PPM1H: variants seen among roughly 807,000 people sequenced by gnomAD.
PPM1H encodes protein phosphatase, Mg2+/Mn2+ dependent 1H.
A neutral mutation model predicts 54.9 loss-of-function variants in PPM1H; 27 were observed. The observed-to-expected ratio is 0.49, with a 90% CI of 0.36 to 0.68. The LOEUF (loss-of-function observed/expected upper bound fraction) is 0.68. Ranked by LOEUF, PPM1H falls within the 30% of genes least tolerant of loss-of-function variation. The pLI, the probability that PPM1H is intolerant of heterozygous loss-of-function variation, is 0.00. For missense variants in PPM1H, 596 were observed against 667.8 expected (o/e 0.89, Z 1.19); for synonymous variants, 305 against 270.8 (o/e 1.13, Z -1.24).
chr12:62,870,730 C>G (rs1022455706), intron 1 of PPM1H, among the ~76,000 whole-genome samples: 11 of 152,150 alleles, frequency 7.2e-5, no homozygotes, highest in Admixed American at 3.9e-4. Context: ...TAATATTAGA[C>G]TCTTATAGAA....
chr12:62,755,510 T>G (rs1339258432), intron 4 of PPM1H: 21 of 666,206 alleles, frequency 3.2e-5, no homozygotes, highest in Non-Finnish European at 8.2e-6. Flanking sequence ...GAGTATATCA[T>G]GGAATCCACC....
chr12:62,651,691 C>T (rs1157608542), intron 9 of PPM1H, among the ~76,000 whole-genome samples: 2 of 152,230 alleles, frequency 1.3e-5, no homozygotes, highest in South Asian at 2.1e-4. Context: ...GCTTAACTTC[C>T]TGAGGGAAAA....
rs566074319 is a variant in PPM1H at position 62,769,580 on chromosome 12, T to C, written c.869+18646A>G. Among the ~76,000 whole-genome samples the C allele has an allele frequency of 1.6e-4, 24 of 152,336 alleles. 1 individual carries two copies. In the South Asian group the frequency reaches 5.0e-3, roughly 32 times the overall value. ...TCTGACATTCATTCAATGTCTTCTA[T>C]GGGCAAAGGCAATTTGTGAAAAGCA... On this transcript the variant is annotated intron_variant, in intron 4 of 9. Coordinates refer to ENST00000228705, the MANE Select transcript of PPM1H (RefSeq NM_020700.2).
In PPM1H at chr12:62,645,442, C is replaced by G. The variant is rs1419559838; in HGVS notation, c.*3047G>C. 1 of 152,292 alleles carries G rather than the reference C, an allele frequency of 6.6e-6. No individual in the cohort carries two copies. The highest frequency in any genetic ancestry group is 2.4e-5 in the African/African-American group (1 of 41,470). The allele number at this position is 152,292 out of a possible 1,614,324, so 9.4% of individuals were successfully genotyped here. A position where few individuals can be genotyped will look rare whatever the true frequency, so the allele number is the denominator to read the frequency against. ...TTCATCCTATTAAGACAGCTGAGTACTTGGCCTGGCCCGATTTTCACCTTT... is the reference window on the plus strand; with the variant it reads ...TTCATCCTATTAAGACAGCTGAGTAGTTGGCCTGGCCCGATTTTCACCTTT... On this transcript the variant is annotated 3_prime_UTR_variant, in exon 10 of 10. Transcript: ENST00000228705.
intron 1 of PPM1H, among the ~76,000 whole-genome samples, chr12:62,879,210 G>A (rs957280187): frequency 6.6e-6 from 1 of 152,182 alleles, no homozygotes; most frequent in African/African-American, 2.4e-5. Flanking sequence ...CTCCTCTGGA[G>A]GCTGTGGTGG....
chr12:62,692,136 G>A (rs575252003), intron 7 of PPM1H, among the ~76,000 whole-genome samples: 4 of 152,270 alleles, frequency 2.6e-5, no homozygotes, highest in African/African-American at 4.8e-5. Context: ...GTAGGGGTAC[G>A]CGGAGAAGAA....
chr12:62,758,108 A>G (rs549144108), intron 4 of PPM1H, among the ~76,000 whole-genome samples: 119 of 152,366 alleles, frequency 7.8e-4, no homozygotes, highest in African/African-American at 2.6e-3. Flanking sequence ...ATGTACCATA[A>G]TTACAATTAC....
chr12:62,756,552 C>A (rs928231632), intron 4 of PPM1H, among the ~76,000 whole-genome samples: 2 of 151,604 alleles, frequency 1.3e-5, no homozygotes, highest in African/African-American at 4.9e-5. Flanking sequence ...TATAAATATA[C>A]AAAATAAATT....
intron 1 of PPM1H, among the ~76,000 whole-genome samples, chr12:62,907,503 G>A (rs577170629): frequency 1.9e-4 from 29 of 152,244 alleles, no homozygotes; most frequent in African/African-American, 7.0e-4. Context: ...TCTTTTTACT[G>A]GGACTACCTG....
chr12:62,797,591 C>G (rs2663952), intron 3 of PPM1H, among the ~76,000 whole-genome samples: 31,377 of 151,878 alleles, frequency 0.21, 4,226 homozygotes, highest in African/African-American at 0.39. Flanking sequence ...CACACCGTGG[C>G]GCTTGTGGGC....
At chr12:62,802,276 A>G in intron 2 of PPM1H, 116 bp from the exon 3 acceptor site, 1 of 753,970 alleles carries the variant, frequency 1.3e-6, no homozygotes, top group Non-Finnish European at 2.0e-6. Context: ...GTCGTCTGCA[A>G]ACAATGCGGT....
At chr12:62,910,038 G>A (rs574247673) in intron 1 of PPM1H, among the ~76,000 whole-genome samples, 53 of 152,326 alleles carry the variant, frequency 3.5e-4, no homozygotes, top group African/African-American at 1.3e-3. Context: ...AAGGGCTATT[G>A]AAGTTGAAAC....
At chr12:62,825,801 G>T (rs181891751) in intron 2 of PPM1H, among the ~76,000 whole-genome samples, 5 of 152,084 alleles carry the variant, frequency 3.3e-5, no homozygotes, top group African/African-American at 1.2e-4. Flanking sequence ...GTTAATGGGT[G>T]CAGCAAACCA....
At chr12:62,736,123 G>A (rs1180293157) in intron 5 of PPM1H, among the ~76,000 whole-genome samples, 1 of 152,222 alleles carries the variant, frequency 6.6e-6, no homozygotes, top group African/African-American at 2.4e-5. Flanking sequence ...GTGGAATAGA[G>A]TGGAGAAAGC....
At chr12:62,788,730 T>G (rs963393913) in intron 3 of PPM1H, among the ~76,000 whole-genome samples, 1 of 152,132 alleles carries the variant, frequency 6.6e-6, no homozygotes, top group African/African-American at 2.4e-5. Context: ...GATCAATGTT[T>G]TGTTTGTTTT....
At chr12:62,664,978 T>C (rs1592531103) in intron 9 of PPM1H, among the ~76,000 whole-genome samples, 1 of 151,978 alleles carries the variant, frequency 6.6e-6, no homozygotes, top group African/African-American at 2.4e-5. Flanking sequence ...TCTGAATGTC[T>C]TCTTTTTTTT....
intron 6 of PPM1H, among the ~76,000 whole-genome samples, chr12:62,714,997 C>T (rs945015653): frequency 6.6e-6 from 1 of 152,180 alleles, no homozygotes; most frequent in Admixed American, 6.5e-5. Context: ...GGCTTGCTTG[C>T]CACCCCAGGT....
intron 1 of PPM1H, among the ~76,000 whole-genome samples, chr12:62,889,192 T>G (rs560572721): frequency 6.6e-6 from 1 of 152,264 alleles, no homozygotes; most frequent in Non-Finnish European, 1.5e-5. Flanking sequence ...TATCAGATAT[T>G]CCCAACTTGA....
intron 1 of PPM1H, among the ~76,000 whole-genome samples, chr12:62,930,926 A>G (rs1209455534): frequency 6.6e-6 from 1 of 152,228 alleles, no homozygotes; most frequent in African/African-American, 2.4e-5. Context: ...GAAGCTTTTC[A>G]AGAGCTGGGA....
Sources: gnomAD v4.1 joint callset for allele counts (sites outside exome capture counted in the v4.1 genomes callset) on GRCh38, gnomAD v4.1.1 for gene constraint, MANE v1.5 for transcripts, NCBI Gene and HGNC (gene_info 2026-07-23, HGNC 2026-07-21) for gene names.